Variants in PPM1B observed in about 807,000 individuals in gnomAD.
PPM1B encodes protein phosphatase, Mg2+/Mn2+ dependent 1B, also known as protein phosphatase 1B.
In PPM1B, 22 loss-of-function variants were observed where a neutral mutation model predicts 43.0. The observed-to-expected ratio is 0.51, with a 90% CI of 0.37 to 0.73. The LOEUF is 0.73. Among genes scored for constraint, PPM1B ranks in the 30% least tolerant of loss-of-function variants. The probability of loss-of-function intolerance (pLI) is 0.00; values close to 1 mark genes in which losing one functional copy is unlikely to be tolerated. For synonymous variants in PPM1B, 217 were observed against 197.9 expected (o/e 1.10, Z -0.81); for missense variants, 632 against 584.2 (o/e 1.08, Z -0.84).
chr2:44,207,862 C>T (rs1165408957), intron 2 of PPM1B, among the ~76,000 whole-genome samples: 1 of 150,022 alleles, frequency 6.7e-6, no homozygotes. Flanking sequence ...GGATTATAGC[C>T]ATGAGTCACA....
chr2:44,225,870 A>C (rs973427210), intron 5 of PPM1B, among the ~76,000 whole-genome samples: 1 of 151,670 alleles, frequency 6.6e-6, no homozygotes, highest in African/African-American at 2.4e-5. Context: ...TGATCAGGCT[A>C]GTCTCAAACT....
intron 1 of PPM1B, among the ~76,000 whole-genome samples, chr2:44,179,730 C>T (rs995600858): frequency 2.0e-5 from 3 of 151,970 alleles, no homozygotes; most frequent in Admixed American, 6.6e-5. Flanking sequence ...TTAACCTGGC[C>T]GGGCATGGTG....
In PPM1B at chr2:44,210,249, C is replaced by A. The variant is rs531970917; in HGVS notation, c.964+922C>A. On this transcript the variant is annotated intron_variant, in intron 3 of 5. Transcript: ENST00000282412. ...TTTTTTTTTTTGAGATAGGGTCTTG[C>A]TCTGTTGCCTAGGCTGGAGTACAGT... is the stretch of plus-strand genomic sequence containing the variant. 4.2e-5 allele frequency among the ~76,000 whole-genome samples: 6 copies of A among 141,180 alleles called. 1 individual carries two copies. Among genetic ancestry groups the A allele is most frequent in the African/African-American group, 1.6e-4 (6 of 37,472 alleles). 92.6% of individuals were successfully genotyped at this position (141,180 alleles called of 152,430 possible). A position where few individuals can be genotyped will look rare whatever the true frequency, so the allele number is the denominator to read the frequency against.
At chr2:44,190,055 G>T (rs954376498) in intron 1 of PPM1B, among the ~76,000 whole-genome samples, 3 of 151,890 alleles carry the variant, frequency 2.0e-5, no homozygotes, top group Non-Finnish European at 4.4e-5. Context: ...TTTCACAAAA[G>T]ATTAAGCTAC....
At chr2:44,230,131 C>T in intron 5 of PPM1B, 1 of 1,455,150 alleles carries the variant, frequency 6.9e-7, no homozygotes, top group Non-Finnish European at 9.0e-7. Flanking sequence ...GCTTGTGTTG[C>T]TGTTGAATTA....
chr2:44,230,014 TC>T (rs1347777745), intron 5 of PPM1B: 5 of 1,592,594 alleles, frequency 3.1e-6, no homozygotes, highest in Middle Eastern at 3.3e-4. Flanking sequence ...AAGAAACTGT[TC>T]TGATGGCCTG....
At chr2:44,196,037 T>C (rs146428774) in intron 1 of PPM1B, among the ~76,000 whole-genome samples, 1 of 152,308 alleles carries the variant, frequency 6.6e-6, no homozygotes, top group African/African-American at 2.4e-5. Flanking sequence ...TGCAGTAATA[T>C]GAGAAAACCC....
At chr2:44,243,055 T>A (rs1395221105) in intron 5 of PPM1B, among the ~76,000 whole-genome samples, 1 of 152,176 alleles carries the variant, frequency 6.6e-6, no homozygotes, top group South Asian at 2.1e-4. Context: ...TCATAGGGAT[T>A]TCCCCCCCAA....
chr2:44,244,095 A>G (rs1225433756), intron 5 of PPM1B: 3 of 237,342 alleles, frequency 1.3e-5, no homozygotes, highest in African/African-American at 7.1e-5. Flanking sequence ...TGATGAGTGA[A>G]CCCCCCTCCT....
At chr2:44,187,081 T>G (rs959601230) in intron 1 of PPM1B, among the ~76,000 whole-genome samples, 5 of 152,198 alleles carry the variant, frequency 3.3e-5, no homozygotes, top group Non-Finnish European at 7.3e-5. Context: ...AACAACAGCT[T>G]CCCCTTTCCC....
intron 1 of PPM1B, among the ~76,000 whole-genome samples, chr2:44,184,076 G>A (rs1323405643): frequency 6.6e-6 from 1 of 152,148 alleles, no homozygotes; most frequent in Non-Finnish European, 1.5e-5. Context: ...GTGTGTCTTT[G>A]GCAAGTTCTT....
At chr2:44,200,068 C>A (rs1452498271) in intron 1 of PPM1B, among the ~76,000 whole-genome samples, 1 of 152,130 alleles carries the variant, frequency 6.6e-6, no homozygotes, top group East Asian at 1.9e-4. Context: ...GAAAAAAATC[C>A]TTAGGTGTGG....
At chr2:44,214,511 C>T (rs1669631906) in intron 3 of PPM1B, among the ~76,000 whole-genome samples, 2 of 151,860 alleles carry the variant, frequency 1.3e-5, no homozygotes. Context: ...TAGAATCTTG[C>T]AGTGGCAGAA....
chr2:44,181,030 G>A (rs1279046605), intron 1 of PPM1B, among the ~76,000 whole-genome samples: 1 of 151,908 alleles, frequency 6.6e-6, no homozygotes, highest in Non-Finnish European at 1.5e-5. Flanking sequence ...CTGCAGCCTC[G>A]ATCTCCTAGG....
At chr2:44,223,917 T>C (rs1670095641) in intron 5 of PPM1B, among the ~76,000 whole-genome samples, 1 of 151,664 alleles carries the variant, frequency 6.6e-6, no homozygotes, top group South Asian at 2.1e-4. Context: ...CACTTACCTT[T>C]GCTATGTGGT....
chr2:44,235,603 CAAAAAAAAAAAA>C (rs60734033), downstream of PPM1B, among the ~76,000 whole-genome samples: 1 of 73,502 alleles, frequency 1.4e-5, no homozygotes, highest in Admixed American at 1.7e-4. Flanking sequence ...AATTCCATCT[CAAAAAAAAAAAA>C]AAAAAAAAAG....
downstream of PPM1B, among the ~76,000 whole-genome samples, chr2:44,246,198 C>G (rs904187303): frequency 3.2e-4 from 49 of 152,270 alleles, no homozygotes; most frequent in African/African-American, 1.2e-3. Context: ...ACTGTCTCCT[C>G]CTTTATTCTC....
intron 2 of PPM1B, among the ~76,000 whole-genome samples, chr2:44,205,519 A>T (rs1042171473): frequency 6.6e-6 from 1 of 152,130 alleles, no homozygotes; most frequent in African/African-American, 2.4e-5. Context: ...TTCCAGTCTC[A>T]TCTCACTTAG....
In PPM1B at chr2:44,223,233, TTTATC is replaced by T. The variant is rs1670054002; in HGVS notation, c.1134+4700_1134+4704del. 2.0e-5 allele frequency among the ~76,000 whole-genome samples: 3 copies of T among 152,282 alleles called. No homozygotes were observed. The East Asian group carries it at 5.8e-4, about 29-fold the overall frequency. ...GTTATTTTTCACTTAAATACACATA[TTTATC>T]TTAATCCAAAAACGGTTTAAGGCAT... On this transcript the variant is annotated intron_variant, in intron 5 of 5. Transcript: ENST00000282412.
Sources: gnomAD v4.1 joint callset for allele counts (sites outside exome capture counted in the v4.1 genomes callset) on GRCh38, gnomAD v4.1.1 for gene constraint, MANE v1.5 for transcripts, NCBI Gene and HGNC (gene_info 2026-07-23, HGNC 2026-07-21) for gene names.